The following NOS1 variants were observed in gnomAD, a reference collection of about 807,000 sequenced individuals.
NOS1 encodes NOS type I.
NOS1 carries 51 observed loss-of-function variants against 164.5 expected under a neutral mutation model. That is an observed-to-expected ratio of 0.31 (90% CI 0.25 to 0.39). The LOEUF is 0.39. Among genes scored for constraint, NOS1 ranks in the 10% least tolerant of loss-of-function variants. The pLI is 1.00. For synonymous variants in NOS1, 719 were observed against 745.8 expected (o/e 0.96, Z 0.59); for missense variants, 1,362 against 1,885.6 (o/e 0.72, Z 5.14).
In NOS1 at chr12:117,213,666, G is replaced by A; in HGVS notation, c.*1643C>T. On this transcript the variant is annotated 3_prime_UTR_variant, in exon 29 of 29. Transcript: ENST00000317775. Reference sequence around the variant, plus strand: ...ACACCCAAACTGAACAACAAGATATGCCCACGTACAGTATATAAAAGAAAT... The same window carrying A: ...ACACCCAAACTGAACAACAAGATATACCCACGTACAGTATATAAAAGAAAT... 1.0e-6 allele frequency: 1 copy of A among 985,402 alleles called. No homozygotes were observed. The highest frequency in any genetic ancestry group is 1.2e-6 in the Non-Finnish European group (1 of 829,944). 61.0% of individuals were successfully genotyped at this position (985,402 alleles called of 1,614,324 possible). A position where few individuals can be genotyped will look rare whatever the true frequency, so the allele number is the denominator to read the frequency against.
intron 1 of NOS1, among the ~76,000 whole-genome samples, chr12:117,347,218 C>T (rs1419742019): frequency 1.3e-5 from 2 of 150,790 alleles, no homozygotes; most frequent in East Asian, 1.9e-4. Flanking sequence ...ACCTGGGAGG[C>T]GGAGGTTGCA....
rs1870356022 is a variant in NOS1, at chr12:117,243,513, G to A, written c.2824-78C>T. On this transcript the variant is annotated intron_variant, in intron 18 of 28. Coordinates refer to ENST00000317775, the MANE Select transcript of NOS1 (RefSeq NM_000620.5). The surrounding 1 kb of genome is among the most constrained non-coding windows in gnomAD (Gnocchi z 4.3). ...CTCCAACAGCTCCAAGTCATGGCAT[G>A]TATCTCTTCATTCACCCATCCATCC... The A allele has an allele frequency of 2.6e-6, 4 of 1,519,966 alleles. No individual in the cohort carries two copies. The Admixed American group carries it at 7.2e-5, about 27-fold the overall frequency. The allele number at this position is 1,519,966 out of a possible 1,614,324, so 94.2% of individuals were successfully genotyped here.
At chr12:117,344,598 G>A (rs534835571) in intron 1 of NOS1, among the ~76,000 whole-genome samples, 1 of 152,260 alleles carries the variant, frequency 6.6e-6, no homozygotes, top group Admixed American at 6.5e-5. Flanking sequence ...TGAACTCAAC[G>A]TCTTTGCTTT....
chr12:117,256,650 C>T (rs1012283985), intron 16 of NOS1, among the ~76,000 whole-genome samples: 2 of 152,136 alleles, frequency 1.3e-5, no homozygotes, highest in African/African-American at 4.8e-5. Flanking sequence ...CACCTTAAGA[C>T]ACAGGGATCT....
chr12:117,321,480 C>T (rs945306649), intron 2 of NOS1, among the ~76,000 whole-genome samples: 3 of 152,068 alleles, frequency 2.0e-5, no homozygotes, highest in African/African-American at 7.2e-5. Flanking sequence ...GGTGGGCGGG[C>T]AGGCTTATCC....
chr12:117,288,444 T>C (rs927262203), intron 4 of NOS1, among the ~76,000 whole-genome samples: 2 of 152,224 alleles, frequency 1.3e-5, no homozygotes, highest in Non-Finnish European at 2.9e-5. Flanking sequence ...TCTACTCATC[T>C]TGGGAACAGA....
intron 3 of NOS1, among the ~76,000 whole-genome samples, chr12:117,298,398 C>T (rs1387737620): frequency 6.6e-6 from 1 of 152,144 alleles, no homozygotes; most frequent in East Asian, 1.9e-4. Flanking sequence ...CTGCCGCTCA[C>T]CTCCTGCTGT....
At chr12:117,322,949 G>A (rs1004183802) in intron 2 of NOS1, among the ~76,000 whole-genome samples, 3 of 146,138 alleles carry the variant, frequency 2.1e-5, no homozygotes, top group African/African-American at 7.5e-5. Flanking sequence ...ACTAAATGAT[G>A]GGGATTCAGA....
Position 117,330,515 on chromosome 12 carries a change from CTGGCCTGGGGGCCTGGGGGCCAGGCCGT to C in NOS1, c.527_554del (p.Asn176ArgfsTer25). On this transcript the variant is annotated frameshift_variant, in exon 2 of 29. Transcript: ENST00000317775. LOFTEE classifies it high-confidence loss of function. The surrounding 1 kb of genome is among the most constrained non-coding windows in gnomAD (Gnocchi z 4.6). ...CTCTGGTTGCTTTCTTCGCGGGGTC[CTGGCCTGGGGGCCTGGGGGCCAGGCCGT>C]TGGCATGGGGGAGTGAGCCAGCCTC... 6.2e-7 allele frequency: 1 copy of C among 1,614,060 alleles called. No homozygotes were observed. Among genetic ancestry groups the C allele is most frequent in the Non-Finnish European group, 8.5e-7 (1 of 1,180,038 alleles).
At chr12:117,223,474 C>A (rs1868382340) in intron 25 of NOS1, among the ~76,000 whole-genome samples, 1 of 151,982 alleles carries the variant, frequency 6.6e-6, no homozygotes, top group South Asian at 2.1e-4. Context: ...GTTGGCCAGG[C>A]TGGTCTCGAA....
chr12:117,261,178 CAAAAA>C (rs534260940), intron 13 of NOS1, among the ~76,000 whole-genome samples: 950 of 77,204 alleles, frequency 0.012, 13 homozygotes, highest in East Asian at 0.019. Flanking sequence ...GACTCTGCCT[CAAAAA>C]AAAAAAAAAA....
chr12:117,311,427 G>T, intron 3 of NOS1, 39 bp downstream of exon 3: 1 of 1,561,586 alleles, frequency 6.4e-7, no homozygotes, highest in Non-Finnish European at 8.7e-7. Flanking sequence ...TCGAGAAGGC[G>T]TGGGAAGCAG....
At chr12:117,360,566 G>A (rs1265228694) in intron 1 of NOS1, among the ~76,000 whole-genome samples, 1 of 152,258 alleles carries the variant, frequency 6.6e-6, no homozygotes, top group Non-Finnish European at 1.5e-5. Flanking sequence ...TGAGAGGTGC[G>A]GGCGGCCCCG....
At chr12:117,305,787 T>A in intron 3 of NOS1, among the ~76,000 whole-genome samples, 1 of 149,986 alleles carries the variant, frequency 6.7e-6, no homozygotes. Flanking sequence ...CGCAGGCCCG[T>A]GACTTTTTTT....
At chr12:117,248,485 T>C (rs1476120288) in intron 17 of NOS1, among the ~76,000 whole-genome samples, 1 of 151,826 alleles carries the variant, frequency 6.6e-6, no homozygotes, top group East Asian at 1.9e-4. Context: ...CTGAGAATGA[T>C]GATTTCCAAT....
chr12:117,350,346 C>T (rs554634471), intron 1 of NOS1, among the ~76,000 whole-genome samples: 5 of 152,290 alleles, frequency 3.3e-5, no homozygotes, highest in African/African-American at 1.2e-4. Flanking sequence ...TTACTAGTTA[C>T]CTGTTGACTG....
At position 117,280,843 on chromosome 12, in the gene NOS1, T is replaced by C; in HGVS notation, c.1406A>G (p.Gln469Arg). Residue 469 changes from glutamine to arginine, a missense_variant, in exon 8 of 29, where the codon CAG becomes CGG. Gln to Arg is a conservative substitution (Grantham distance 43, BLOSUM62 1). Around this residue, in one of 4 missense-constraint regions of NOS1, gnomAD observed 134 missense variants for 267.3 expected, o/e 0.50. Transcript: ENST00000317775. ...NLRSAITIFPQRTDGKHDFRV... is the reference protein window; with the variant it reads ...NLRSAITIFPRRTDGKHDFRV... ...GAAGTCGTGCTTGCCGTCTGTCCTC[T>C]GGGGGAATATGGTGATGGCAGACCT... 1.2e-6 allele frequency: 2 copies of C among 1,614,070 alleles called. No individual in the cohort carries two copies. The highest frequency in any genetic ancestry group is 1.7e-6 in the Non-Finnish European group (2 of 1,179,998).
At chr12:117,220,775 G>A (rs931208606) in intron 26 of NOS1, among the ~76,000 whole-genome samples, 39 of 152,144 alleles carry the variant, frequency 2.6e-4, no homozygotes, top group African/African-American at 8.7e-4. Flanking sequence ...CTGCTGTAGC[G>A]ATAGCAGAAG....
chr12:117,237,170 T>G (rs1183569705), intron 20 of NOS1, among the ~76,000 whole-genome samples: 1 of 152,182 alleles, frequency 6.6e-6, no homozygotes, highest in Admixed American at 6.5e-5. Flanking sequence ...ATTTTTATTT[T>G]TTTTTGAGAT....
Sources: allele counts gnomAD v4.1 joint callset (sites outside exome capture counted in the v4.1 genomes callset), GRCh38; gene constraint gnomAD v4.1.1; regional missense constraint gnomAD v4.1.1; non-coding constraint Gnocchi (gnomAD v3.1); transcripts MANE v1.5; gene names NCBI Gene and HGNC (gene_info 2026-07-23, HGNC 2026-07-21).